The following CLTCL1 variants were observed in gnomAD, a reference collection of about 807,000 sequenced individuals.
The protein encoded by CLTCL1 is clathrin heavy chain like 1.
In CLTCL1, 159 loss-of-function variants were observed where a neutral mutation model predicts 190.0. The observed-to-expected ratio is 0.84, with a 90% confidence interval of 0.74 to 0.95. CLTCL1 has a LOEUF of 0.95. CLTCL1 is among the 40% of genes least tolerant of loss of function. The pLI is 0.00. For synonymous variants in CLTCL1, 752 were observed against 769.6 expected (o/e 0.98, Z 0.38); for missense variants, 1,878 against 2,033.4 (o/e 0.92, Z 1.47).
intron 10 of CLTCL1, among the ~76,000 whole-genome samples, chr22:19,231,744 G>A (rs1035752622): frequency 1.3e-5 from 2 of 152,180 alleles, no homozygotes; most frequent in African/African-American, 2.4e-5. Context: ...AGTATGAGAA[G>A]TTTATATTTT....
intron 1 of CLTCL1, among the ~76,000 whole-genome samples, chr22:19,276,857 A>G (rs553244957): frequency 6.6e-6 from 1 of 152,078 alleles, no homozygotes; most frequent in Admixed American, 6.6e-5. Context: ...TTTTTTTAGT[A>G]GAGACGGGGT....
rs1569204489 is a variant in CLTCL1, at chr22:19,233,636, G to A, written c.1168-14C>T. 6.2e-7 allele frequency: 1 copy of A among 1,607,576 alleles called. No homozygotes were observed. Among genetic ancestry groups the A allele is most frequent in the Non-Finnish European group, 8.5e-7 (1 of 1,176,890 alleles). On this transcript the variant is annotated splice_polypyrimidine_tract_variant and intron_variant, in intron 7 of 32. Coordinates refer to ENST00000427926, the MANE Select transcript of CLTCL1 (RefSeq NM_007098.4). The stretch of plus-strand genomic sequence containing the variant: ...ACGCAGGATTCCCTAATAATAAATG[G>A]AAAAATAGGTCATTGTGTTGTAATC...
At position 19,180,781 on chromosome 22, in the gene CLTCL1, C is replaced by T; in HGVS notation, c.4853G>A (p.Ser1618Asn). 2 of 1,613,856 alleles carry T rather than the reference C, an allele frequency of 1.2e-6. No homozygotes were observed. The highest frequency in any genetic ancestry group is 2.2e-5 in the South Asian group (2 of 91,086). ...CACATGCTCCTCTTGCTTGCGCAGA[C>T]TCTCCAAGGCATCCAGTTTGTCCAC... ...SKVDKLDALE[S>N]LRKQEEHVTE... Residue 1618 changes from serine (S) to asparagine (N), a missense_variant, in exon 31 of 33, where the codon AGT becomes AAT. Coordinates refer to ENST00000427926, the MANE Select transcript of CLTCL1 (RefSeq NM_007098.4).
At chr22:19,230,755 A>C (rs112035831) in intron 10 of CLTCL1, among the ~76,000 whole-genome samples, 12 of 152,254 alleles carry the variant, frequency 7.9e-5, no homozygotes, top group African/African-American at 2.6e-4. Context: ...GCTTAACTTT[A>C]GGTGTCAGCT....
At position 19,244,072 on chromosome 22, in the gene CLTCL1, G is replaced by A. The variant is rs141410753; in HGVS notation, c.520-1136C>T. Among the ~76,000 whole-genome samples, 119 of 152,204 alleles carry A rather than the reference G, an allele frequency of 7.8e-4. 2 individuals carry two copies. In the East Asian group the frequency reaches 0.015, roughly 19 times the overall value. On this transcript the variant is annotated intron_variant, in intron 3 of 32. Coordinates refer to ENST00000427926, the MANE Select transcript of CLTCL1 (RefSeq NM_007098.4). Reference sequence around the variant, plus strand: ...AAATGCTCAAAAAGCTAAGTGAATGGAATACAAAAGGGTCCCAGTTCAAGC... The same window carrying A: ...AAATGCTCAAAAAGCTAAGTGAATGAAATACAAAAGGGTCCCAGTTCAAGC...
At chr22:19,189,300 ATAAAC>A in intron 27 of CLTCL1, among the ~76,000 whole-genome samples, 2 of 152,352 alleles carry the variant, frequency 1.3e-5, no homozygotes, top group Non-Finnish European at 2.9e-5. Context: ...ATAAAACAAA[ATAAAC>A]TAAACAAACA....
At position 19,226,393 on chromosome 22, in the gene CLTCL1, A is replaced by G; in HGVS notation, c.1783-10T>C. Reference sequence around the variant, plus strand: ...GGATGGCATCTGCAACCTATGAAACAGGGAGTTCGGTGAGAAGCCCTGATC... The same window carrying G: ...GGATGGCATCTGCAACCTATGAAACGGGGAGTTCGGTGAGAAGCCCTGATC... On this transcript the variant is annotated splice_polypyrimidine_tract_variant and intron_variant, in intron 11 of 32. Coordinates refer to ENST00000427926, the MANE Select transcript of CLTCL1 (RefSeq NM_007098.4). The G allele has an allele frequency of 6.2e-7, 1 of 1,613,868 alleles. No individual in the cohort carries two copies. The highest frequency in any genetic ancestry group is 8.5e-7 in the Non-Finnish European group (1 of 1,179,766).
chr22:19,199,939 G>A (rs2236760), intron 23 of CLTCL1, 98 bp from the exon 24 acceptor site: 59,588 of 692,416 alleles, frequency 0.086, 5,894 homozygotes, highest in East Asian at 0.46. Context: ...AGAAATACCA[G>A]CAGTGGGGTA....
chr22:19,234,219 G>A (rs574947216), intron 7 of CLTCL1, among the ~76,000 whole-genome samples: 1 of 152,268 alleles, frequency 6.6e-6, no homozygotes, highest in African/African-American at 2.4e-5. Context: ...CAGGTAGCAA[G>A]AGTGGAAAAT....
rs189295523 is a variant in CLTCL1 at position 19,198,960 on chromosome 22, C to T, written c.3873+774G>A. 5.9e-5 allele frequency among the ~76,000 whole-genome samples: 9 copies of T among 152,240 alleles called. No homozygotes were observed. The highest frequency in any genetic ancestry group is 1.9e-4 in the African/African-American group (8 of 41,534). ...TTGGCTTTCCAGTTCATTTCTCAGG[C>T]GCCTCTCTGGGGGTGGGAAAGCATT... On this transcript the variant is annotated intron_variant, in intron 24 of 32. Coordinates refer to ENST00000427926, the MANE Select transcript of CLTCL1 (RefSeq NM_007098.4). This position sits in a 1 kb window ranked among gnomAD's most constrained non-coding sequence, Gnocchi z 4.1.
intron 31 of CLTCL1, 106 bp from the exon 32 acceptor site, chr22:19,180,344 G>A: frequency 1.6e-6 from 2 of 1,239,516 alleles, no homozygotes; most frequent in Non-Finnish European, 2.3e-6. Flanking sequence ...GCCTGTGTTT[G>A]CCCCACAGTG....
intron 3 of CLTCL1, among the ~76,000 whole-genome samples, chr22:19,250,682 T>C (rs1034586931): frequency 6.6e-6 from 1 of 151,842 alleles, no homozygotes; most frequent in Non-Finnish European, 1.5e-5. Context: ...GCCTCCAGAG[T>C]AGCTGGAACT....
Position 19,250,565 on chromosome 22 carries a change from T to C in CLTCL1, c.519+3394A>G, listed in dbSNP as rs1211018635. ...TTCTATTTTTTTTAACTTTTTTAAT[T>C]TTTTTTTAGACAAGGTCTCACTCTG... is the stretch of plus-strand genomic sequence containing the variant. On this transcript the variant is annotated intron_variant, in intron 3 of 32. Coordinates refer to ENST00000427926, the MANE Select transcript of CLTCL1 (RefSeq NM_007098.4). 3.3e-5 allele frequency among the ~76,000 whole-genome samples: 5 copies of C among 151,496 alleles called. No individual in the cohort carries two copies. The East Asian group carries it at 9.8e-4, about 30-fold the overall frequency.
chr22:19,225,061 C>T lies in CLTCL1; in HGVS notation c.2128+392G>A, dbSNP rs557934713. Among the ~76,000 whole-genome samples the T allele has an allele frequency of 3.2e-4, 48 of 152,326 alleles. No individual in the cohort carries two copies. The South Asian group carries it at 6.6e-3, about 21-fold the overall frequency. On this transcript the variant is annotated intron_variant, in intron 13 of 32. Transcript: ENST00000427926. ...CACCACAAAGCAATGCACCCTCTAT[C>T]GTGGGCTCTCATTTAGGAGAGGCCC... is the stretch of plus-strand genomic sequence containing the variant.
At chr22:19,197,513 C>T (rs1400157415) in intron 24 of CLTCL1, among the ~76,000 whole-genome samples, 1 of 152,180 alleles carries the variant, frequency 6.6e-6, no homozygotes, top group African/African-American at 2.4e-5. Context: ...CAGCTGGGTT[C>T]AGCAAGCATC....
Position 19,203,651 on chromosome 22 carries a change from C to G in CLTCL1, c.3601-2158G>C, listed in dbSNP as rs552402399. On this transcript the variant is annotated intron_variant, in intron 22 of 32. Transcript: ENST00000427926. ...TCTGGCTTCTTTGGTCCATCCCCCC[C>G]CAGCCCCACACCCCCACTGCCATGC... 4.5e-4 allele frequency among the ~76,000 whole-genome samples: 68 copies of G among 152,300 alleles called. No homozygotes were observed. In the Middle Eastern group the frequency reaches 0.01, roughly 23 times the overall value.
intron 1 of CLTCL1, among the ~76,000 whole-genome samples, chr22:19,285,508 A>G (rs1381562614): frequency 2.0e-5 from 3 of 152,160 alleles, no homozygotes; most frequent in African/African-American, 7.2e-5. Flanking sequence ...ACCAGTGCAC[A>G]AGACTCTATA....
intron 16 of CLTCL1, 78 bp from the exon 17 acceptor site, chr22:19,221,689 A>T: frequency 4.7e-6 from 6 of 1,279,078 alleles, no homozygotes; most frequent in Non-Finnish European, 6.4e-6. Flanking sequence ...GCTCTGACAG[A>T]TGTTTCCTGA....
chr22:19,227,533 C>A (rs1281451235), intron 11 of CLTCL1, among the ~76,000 whole-genome samples: 3 of 151,222 alleles, frequency 2.0e-5, no homozygotes, highest in Non-Finnish European at 4.4e-5. Context: ...CTGCTCACTG[C>A]AACCTCCGTC....
Sources: gnomAD v4.1 joint callset for allele counts (sites outside exome capture counted in the v4.1 genomes callset) on GRCh38, gnomAD v4.1.1 for gene constraint, Gnocchi (gnomAD v3.1) non-coding constraint, MANE v1.5 for transcripts, NCBI Gene and HGNC (gene_info 2026-07-23, HGNC 2026-07-21) for gene names.